The following RYR3 variants were observed in gnomAD, a reference collection of about 807,000 sequenced individuals.
The protein encoded by RYR3 is brain ryanodine receptor-calcium release channel.
Under a neutral mutation model 584.3 loss-of-function variants are expected in RYR3, and 207 were observed. The observed-to-expected ratio is 0.35, with a 90% CI of 0.32 to 0.40. The LOEUF (loss-of-function observed/expected upper bound fraction) is 0.40, where lower values mean the gene tolerates loss of function less well. RYR3 is among the 10% of genes least tolerant of loss of function. The pLI, the probability that RYR3 is intolerant of heterozygous loss-of-function variation, is 1.00. For missense variants in RYR3, 5,616 were observed against 6,089.2 expected (o/e 0.92, Z 2.59); for synonymous variants, 2,416 against 2,248.5 (o/e 1.07, Z -2.11).
intron 1 of RYR3, among the ~76,000 whole-genome samples, chr15:33,446,916 T>C (rs2046715618): frequency 6.6e-6 from 1 of 152,232 alleles, no homozygotes; most frequent in African/African-American, 2.4e-5. Context: ...CCTTGCTCTG[T>C]TGCCTCTTGC....
At chr15:33,748,310 G>A in intron 54 of RYR3, 50 bp downstream of exon 54, 2 of 1,600,616 alleles carry the variant, frequency 1.2e-6, no homozygotes, top group African/African-American at 2.7e-5. Flanking sequence ...AAGCCATGGA[G>A]AATCTGGGAA....
chr15:33,708,217 A>G (rs1480330505), intron 43 of RYR3, among the ~76,000 whole-genome samples: 1 of 152,212 alleles, frequency 6.6e-6, no homozygotes, highest in Admixed American at 6.5e-5. Flanking sequence ...GAGTTACTGT[A>G]GGAGTAAAGC....
At chr15:33,799,902 C>T (rs2152929378) in intron 67 of RYR3, among the ~76,000 whole-genome samples, 1 of 150,978 alleles carries the variant, frequency 6.6e-6, no homozygotes, top group Admixed American at 6.6e-5. Flanking sequence ...CATTTGATAT[C>T]AGAAGCGTTG....
intron 45 of RYR3, among the ~76,000 whole-genome samples, chr15:33,725,976 C>CCCCGCCA (rs1555427643): frequency 1.6e-4 from 5 of 31,516 alleles, no homozygotes; most frequent in African/African-American, 2.2e-4. Context: ...TCCCCCCCCC[C>CCCCGCCA]AAAAAAAAAA....
At chr15:33,570,769 TATA>T (rs1052594487) in intron 12 of RYR3, among the ~76,000 whole-genome samples, 7 of 152,214 alleles carry the variant, frequency 4.6e-5, no homozygotes, top group African/African-American at 1.7e-4. Context: ...GTTTTTATTA[TATA>T]AGTCTTGCAC....
Position 33,784,994 on chromosome 15 carries a change from G to A in RYR3, c.9269-668G>A, listed in dbSNP as rs562046657. ...GGTGAGGAAAAGATAGGGCTCCCAC[G>A]ATTCCTTACAAATCAGTCCTTGGAA... On this transcript the variant is annotated intron_variant, in intron 65 of 103. Transcript: ENST00000634891. 3.9e-5 allele frequency among the ~76,000 whole-genome samples: 6 copies of A among 152,216 alleles called. No homozygotes were observed. In the South Asian group the frequency reaches 1.0e-3, roughly 26 times the overall value.
chr15:33,519,992 T>G (rs1440438200), intron 3 of RYR3, among the ~76,000 whole-genome samples: 1 of 152,142 alleles, frequency 6.6e-6, no homozygotes, highest in Non-Finnish European at 1.5e-5. Context: ...AGGAAAATCA[T>G]AGTTGAGACC....
At chr15:33,325,653 C>G (rs552886592) in intron 1 of RYR3, among the ~76,000 whole-genome samples, 11 of 151,320 alleles carry the variant, frequency 7.3e-5, no homozygotes, top group Middle Eastern at 3.4e-3. Context: ...CTTTCCTTTT[C>G]TTTTCTTTTC....
In RYR3 at chr15:33,628,592, C is replaced by G; in HGVS notation, c.2679+17C>G. On this transcript the variant is annotated intron_variant, in intron 21 of 103. Coordinates refer to ENST00000634891, the MANE Select transcript of RYR3 (RefSeq NM_001036.6). ...TTCGGCAAGGTATGTGTCTCAGGGCCAGGTTAGGGTGGAGGGTGGGATTGC... is the reference window on the plus strand; with the variant it reads ...TTCGGCAAGGTATGTGTCTCAGGGCGAGGTTAGGGTGGAGGGTGGGATTGC... The G allele has an allele frequency of 3.9e-6, 6 of 1,521,990 alleles. No homozygotes were observed. The highest frequency in any genetic ancestry group is 5.5e-6 in the Non-Finnish European group (6 of 1,096,436). The allele number at this position is 1,521,990 out of a possible 1,614,324, so 94.3% of individuals were successfully genotyped here.
At chr15:33,675,916 C>T (rs1196100884) in intron 38 of RYR3, among the ~76,000 whole-genome samples, 1 of 152,098 alleles carries the variant, frequency 6.6e-6, no homozygotes. Context: ...AGGATTTCAT[C>T]GCAGTGCTCT....
At chr15:33,830,738 C>G in intron 85 of RYR3, 1 of 382,388 alleles carries the variant, frequency 2.6e-6, no homozygotes, top group South Asian at 7.5e-5. Context: ...CAAGTTCCAG[C>G]TGAAGGCAGT....
rs1597153785 is a variant in RYR3 at position 33,865,409 on chromosome 15, C to A, written c.*183C>A. 1 of 569,074 alleles carries A rather than the reference C, an allele frequency of 1.8e-6. No individual in the cohort carries two copies. The highest frequency in any genetic ancestry group is 2.9e-5 in the East Asian group (1 of 35,008). The allele number at this position is 569,074 out of a possible 1,614,324, so 35.3% of individuals were successfully genotyped here. A position where few individuals can be genotyped will look rare whatever the true frequency, so the allele number is the denominator to read the frequency against. On this transcript the variant is annotated 3_prime_UTR_variant, in exon 104 of 104. Transcript: ENST00000634891. ...TGGCTTTTTGTGCCTAATGGACATA[C>A]ACTGTGGGAGAGAACCTGTCAAAAT...
intron 42 of RYR3, among the ~76,000 whole-genome samples, chr15:33,704,666 G>A (rs771480194): frequency 2.9e-4 from 44 of 152,184 alleles, no homozygotes; most frequent in Non-Finnish European, 4.9e-4. Context: ...GCAGCTGAAT[G>A]GGTCTTTTTG....
At chr15:33,610,918 G>C (rs984364905) in intron 18 of RYR3, among the ~76,000 whole-genome samples, 5 of 152,162 alleles carry the variant, frequency 3.3e-5, no homozygotes, top group Non-Finnish European at 4.4e-5. Flanking sequence ...TTCCCCACTT[G>C]TGCCATCATG....
intron 1 of RYR3, among the ~76,000 whole-genome samples, chr15:33,382,652 G>A (rs2041287420): frequency 6.6e-6 from 1 of 152,014 alleles, no homozygotes; most frequent in Non-Finnish European, 1.5e-5. Flanking sequence ...TTTCAATATT[G>A]TGCAAAAGAA....
chr15:33,758,666 C>T (rs548725055), intron 60 of RYR3, among the ~76,000 whole-genome samples: 2 of 152,304 alleles, frequency 1.3e-5, no homozygotes, highest in East Asian at 3.9e-4. Context: ...GACAAAACTC[C>T]CATATCCCTG....
At chr15:33,656,172 T>G (rs2062813508) in intron 32 of RYR3, among the ~76,000 whole-genome samples, 1 of 152,236 alleles carries the variant, frequency 6.6e-6, no homozygotes, top group Non-Finnish European at 1.5e-5. Context: ...TCCTGTGCCA[T>G]GACCTTCACA....
chr15:33,636,957 T>C (rs1178924315), intron 27 of RYR3, among the ~76,000 whole-genome samples: 1 of 152,232 alleles, frequency 6.6e-6, no homozygotes, highest in Admixed American at 6.5e-5. Context: ...TGCATGTTTG[T>C]GTAATTGAAC....
chr15:33,641,147 G>C (rs932395062), intron 27 of RYR3, among the ~76,000 whole-genome samples: 1 of 152,200 alleles, frequency 6.6e-6, no homozygotes, highest in Non-Finnish European at 1.5e-5. Flanking sequence ...AAAATCATTT[G>C]AAAAGCAATG....
Sources: allele counts gnomAD v4.1 joint callset (sites outside exome capture counted in the v4.1 genomes callset), GRCh38; gene constraint gnomAD v4.1.1; transcripts MANE v1.5; gene names NCBI Gene and HGNC (gene_info 2026-07-23, HGNC 2026-07-21).